The following HHAT variants were observed in gnomAD, a reference collection of about 807,000 sequenced individuals.
HHAT encodes protein-cysteine N-palmitoyltransferase HHAT.
In HHAT, 47 loss-of-function variants were observed where a neutral mutation model predicts 70.8. The observed-to-expected ratio is 0.66, with a 90% CI of 0.53 to 0.85. HHAT has a LOEUF of 0.85. Among genes scored for constraint, HHAT ranks in the 40% least tolerant of loss-of-function variants. The pLI is 0.00. For synonymous variants in HHAT, 228 were observed against 247.6 expected (o/e 0.92, Z 0.74); for missense variants, 609 against 604.8 (o/e 1.01, Z -0.07).
At chr1:210,671,321 G>A (rs1457228605) in intron 11 of HHAT, among the ~76,000 whole-genome samples, 1 of 152,194 alleles carries the variant, frequency 6.6e-6, no homozygotes, top group African/African-American at 2.4e-5. Flanking sequence ...ACCCACTGAG[G>A]AGCAGGTGTT....
chr1:210,331,074 C>T (rs1255642289), intron 1 of HHAT, among the ~76,000 whole-genome samples: 2 of 152,136 alleles, frequency 1.3e-5, no homozygotes, highest in African/African-American at 2.4e-5. Flanking sequence ...GCCATCCTCT[C>T]CTTGGCCTCC....
intron 9 of HHAT, among the ~76,000 whole-genome samples, chr1:210,526,243 A>C (rs2095242853): frequency 6.6e-6 from 1 of 152,048 alleles, no homozygotes; most frequent in Non-Finnish European, 1.5e-5. Context: ...TCCCCACTGG[A>C]GCAGTGGTGG....
At chr1:210,340,809 T>A (rs1890303) in intron 1 of HHAT, among the ~76,000 whole-genome samples, 1 of 152,024 alleles carries the variant, frequency 6.6e-6, no homozygotes, top group Non-Finnish European at 1.5e-5. Flanking sequence ...ATTGATTTCA[T>A]TATAGATTTT....
At chr1:210,662,856 C>T (rs1414791181) in intron 11 of HHAT, among the ~76,000 whole-genome samples, 1 of 152,014 alleles carries the variant, frequency 6.6e-6, no homozygotes, top group African/African-American at 2.4e-5. Context: ...TAGAAGTTGG[C>T]CTCATCAGGA....
chr1:210,442,655 A>C (rs2093547058), intron 7 of HHAT, among the ~76,000 whole-genome samples: 2 of 152,182 alleles, frequency 1.3e-5, no homozygotes, highest in Admixed American at 6.5e-5. Flanking sequence ...TCTTCTTTTG[A>C]GAAATGTCTG....
At chr1:210,587,805 A>C in intron 9 of HHAT, 93 bp from the exon 10 acceptor site, 1 of 890,868 alleles carries the variant, frequency 1.1e-6, no homozygotes, top group Non-Finnish European at 1.8e-6. Flanking sequence ...GCATATGTGA[A>C]CAGCAGTATG....
At chr1:210,424,870 G>A (rs1418084696) in intron 7 of HHAT, among the ~76,000 whole-genome samples, 7 of 152,154 alleles carry the variant, frequency 4.6e-5, no homozygotes, top group African/African-American at 1.7e-4. Context: ...ACCCAGTAAT[G>A]GGATTGCTGG....
rs116845558 is a variant in HHAT, at chr1:210,562,055, A to G, written c.1044-25843A>G. 7.8e-4 allele frequency among the ~76,000 whole-genome samples: 119 copies of G among 152,332 alleles called. 1 individual carries two copies. In the East Asian group the frequency reaches 0.02, roughly 25 times the overall value. On this transcript the variant is annotated intron_variant, in intron 9 of 11. Transcript: ENST00000261458. ...TGTAAACTTACACCCTGTTGTATCA[A>G]CCACTACAGAGCACTGGTGTCATGG...
rs368558982 is a variant in HHAT, at chr1:210,516,342, G to A, written c.1043+3154G>A. Among the ~76,000 whole-genome samples, 3 of 152,236 alleles carry A rather than the reference G, an allele frequency of 2.0e-5. No individual in the cohort carries two copies. In the East Asian group the frequency reaches 5.8e-4, roughly 29 times the overall value. ...GTGGATATTTTTTTCTTTTTAATGG[G>A]ATGAACTCTTGTATTTAGCCACCAG... On this transcript the variant is annotated intron_variant, in intron 9 of 11. Coordinates refer to ENST00000261458, the MANE Select transcript of HHAT (RefSeq NM_018194.6).
chr1:210,476,278 C>A (rs2094305424), intron 8 of HHAT, among the ~76,000 whole-genome samples: 1 of 152,182 alleles, frequency 6.6e-6, no homozygotes, highest in Non-Finnish European at 1.5e-5. Flanking sequence ...CAAAGACTTT[C>A]TCTTGGTATA....
At position 210,507,033 on chromosome 1, in the gene HHAT, G is replaced by GA. The variant is rs535551076; in HGVS notation, c.1008-6118dup. 3.9e-4 allele frequency among the ~76,000 whole-genome samples: 60 copies of GA among 152,344 alleles called. 2 individuals carry two copies. In the East Asian group the frequency reaches 0.011, roughly 27 times the overall value. On this transcript the variant is annotated intron_variant, in intron 8 of 11. Transcript: ENST00000261458. ...TACTGAATTTCCAGTATCTAGCACAGAATGGGCACATAGTAAATATTTGTT... is the reference window on the plus strand; with the variant it reads ...TACTGAATTTCCAGTATCTAGCACAGAAATGGGCACATAGTAAATATTTGTT...
intron 8 of HHAT, among the ~76,000 whole-genome samples, chr1:210,468,757 TTGG>T (rs1288795480): frequency 3.3e-5 from 5 of 152,020 alleles, no homozygotes; most frequent in Non-Finnish European, 5.9e-5. Context: ...GGTCCTGGAG[TTGG>T]TGAAGTATAT....
chr1:210,340,986 G>T (rs965954265), intron 1 of HHAT, among the ~76,000 whole-genome samples: 3 of 152,200 alleles, frequency 2.0e-5, no homozygotes, highest in African/African-American at 7.2e-5. Flanking sequence ...TGTGTTAAGT[G>T]AGGTTATCAG....
chr1:210,497,837 C>T (rs915139095), intron 8 of HHAT, among the ~76,000 whole-genome samples: 1 of 151,148 alleles, frequency 6.6e-6, no homozygotes, highest in African/African-American at 2.4e-5. Flanking sequence ...GCAATCTTGA[C>T]TCACTGCAAC....
rs569045163 is a variant in HHAT, at chr1:210,571,692, T to C, written c.1044-16206T>C. Among the ~76,000 whole-genome samples the C allele has an allele frequency of 1.7e-3, 253 of 152,304 alleles. 1 individual carries two copies. The highest frequency in any genetic ancestry group is 2.1e-3 in the Non-Finnish European group (143 of 68,024). On this transcript the variant is annotated intron_variant, in intron 9 of 11. Coordinates refer to ENST00000261458, the MANE Select transcript of HHAT (RefSeq NM_018194.6). ...AGCCTTCCAAGCAAGTGAAATGCCA[T>C]CAGTACGGTGCACTTCTTTCCCCAA... is the stretch of plus-strand genomic sequence containing the variant.
chr1:210,379,003 C>T (rs1051421229), intron 3 of HHAT, among the ~76,000 whole-genome samples: 19 of 152,184 alleles, frequency 1.2e-4, no homozygotes, highest in Admixed American at 3.9e-4. Flanking sequence ...AGAATTATTG[C>T]AGGGATTTAA....
intron 9 of HHAT, among the ~76,000 whole-genome samples, chr1:210,547,665 G>A (rs2148674963): frequency 6.6e-6 from 1 of 152,328 alleles, no homozygotes; most frequent in Middle Eastern, 3.4e-3. Context: ...GTTGGGAGCT[G>A]TGAGGAAGAT....
intron 4 of HHAT, among the ~76,000 whole-genome samples, chr1:210,396,218 TC>T (rs1386426032): frequency 1.6e-4 from 25 of 152,186 alleles, no homozygotes; most frequent in Non-Finnish European, 3.2e-4. Context: ...TTCTGTTTCA[TC>T]TCCTATTAGA....
At chr1:210,412,944 AC>A (rs2092608485) in intron 6 of HHAT, among the ~76,000 whole-genome samples, 1 of 152,168 alleles carries the variant, frequency 6.6e-6, no homozygotes. Context: ...CACAGGAGCC[AC>A]CCTTGGGGCA....
Sources: gnomAD v4.1 joint callset for allele counts (sites outside exome capture counted in the v4.1 genomes callset) on GRCh38, gnomAD v4.1.1 for gene constraint, MANE v1.5 for transcripts, NCBI Gene and HGNC (gene_info 2026-07-23, HGNC 2026-07-21) for gene names.